The following AGBL1 variants were observed in gnomAD, a reference collection of about 807,000 sequenced individuals.
AGBL1 encodes the protein AGBL carboxypeptidase 1, also known as cytosolic carboxypeptidase 4.
AGBL1 carries 130 observed loss-of-function variants against 118.9 expected under a neutral mutation model. That is an observed-to-expected ratio of 1.09 (90% confidence interval 0.95 to 1.26). AGBL1 has a LOEUF of 1.26. Ranked by LOEUF, AGBL1 falls within the 50% of genes most tolerant of loss-of-function variation. The pLI is 0.00. For missense variants in AGBL1, 1,584 were observed against 1,298.1 expected, an observed-to-expected ratio of 1.22 and a Z score of -3.38; for synonymous variants, 555 against 478.9, an observed-to-expected ratio of 1.16 and a Z score of -2.08.
In AGBL1 at chr15:86,225,594, G is replaced by A. The variant is rs187627583; in HGVS notation, c.526+643G>A. Among the ~76,000 whole-genome samples, 133 of 152,242 alleles carry A rather than the reference G, an allele frequency of 8.7e-4. 1 individual carries two copies. The highest frequency in any genetic ancestry group is 3.5e-3 in the South Asian group (17 of 4,826). ...TGCCTGGTAGCCCTGGCCTAATTAC[G>A]TTGGGAGTCAATTTCATGTGTGCAA... On this transcript the variant is annotated intron_variant, in intron 6 of 22. Coordinates refer to ENST00000614907, the MANE Select transcript of AGBL1 (RefSeq NM_001386094.1).
chr15:86,729,377 G>A (rs1323494631), intron 22 of AGBL1, among the ~76,000 whole-genome samples: 1 of 152,152 alleles, frequency 6.6e-6, no homozygotes, highest in Non-Finnish European at 1.5e-5. Context: ...GAATGATCCT[G>A]TCACTCAGGT....
chr15:86,315,258 G>C (rs947554383), intron 17 of AGBL1, among the ~76,000 whole-genome samples: 1 of 152,042 alleles, frequency 6.6e-6, no homozygotes, highest in Non-Finnish European at 1.5e-5. Context: ...TCAGGTGTAG[G>C]TATTGGAGTC....
At chr15:86,848,456 G>A (rs1437493447) in intron 22 of AGBL1, among the ~76,000 whole-genome samples, 2 of 152,140 alleles carry the variant, frequency 1.3e-5, no homozygotes, top group Admixed American at 6.5e-5. Context: ...AATTAGACAT[G>A]AAATTCTCTG....
At chr15:86,564,719 A>G (rs953704272) in intron 21 of AGBL1, among the ~76,000 whole-genome samples, 1 of 152,238 alleles carries the variant, frequency 6.6e-6, no homozygotes, top group Non-Finnish European at 1.5e-5. Context: ...AATATCTTGC[A>G]GAGTGTTTTC....
chr15:86,238,280 C>G (rs902740146), intron 6 of AGBL1, among the ~76,000 whole-genome samples: 1 of 152,210 alleles, frequency 6.6e-6, no homozygotes, highest in Non-Finnish European at 1.5e-5. Context: ...ATTTCATTTT[C>G]TGCTGCATCT....
chr15:86,801,644 T>G (rs957459993), intron 22 of AGBL1, among the ~76,000 whole-genome samples: 1 of 152,146 alleles, frequency 6.6e-6, no homozygotes, highest in African/African-American at 2.4e-5. Context: ...CTAGATCTGT[T>G]TAACCTTCAA....
chr15:86,133,433 G>T (rs1283209725), intron 1 of AGBL1, among the ~76,000 whole-genome samples: 2 of 152,020 alleles, frequency 1.3e-5, no homozygotes, highest in East Asian at 3.9e-4. Flanking sequence ...CAATAAACCC[G>T]GCACCTATTC....
chr15:86,838,374 C>T (rs1252276062), intron 22 of AGBL1, among the ~76,000 whole-genome samples: 1 of 152,104 alleles, frequency 6.6e-6, no homozygotes, highest in Non-Finnish European at 1.5e-5. Context: ...CATAGCCCTC[C>T]TTTAGAATAA....
At chr15:86,851,517 C>T (rs1419381437) in intron 22 of AGBL1, among the ~76,000 whole-genome samples, 4 of 152,130 alleles carry the variant, frequency 2.6e-5, no homozygotes, top group Non-Finnish European at 4.4e-5. Flanking sequence ...ATTCAGTGGG[C>T]ACAACTTTCT....
At chr15:86,983,915 G>A (rs558437850) in intron 23 of AGBL1, among the ~76,000 whole-genome samples, 5 of 152,066 alleles carry the variant, frequency 3.3e-5, no homozygotes, top group East Asian at 1.9e-4. Context: ...TGTATGCAAC[G>A]GTTTGCATAC....
chr15:86,619,547 T>C (rs1344303030), intron 21 of AGBL1, among the ~76,000 whole-genome samples: 1 of 152,234 alleles, frequency 6.6e-6, no homozygotes, highest in East Asian at 1.9e-4. Flanking sequence ...TCACACTTAG[T>C]GTCTTTCCTG....
chr15:86,632,006 C>T (rs1038948171), intron 21 of AGBL1, among the ~76,000 whole-genome samples: 1 of 149,990 alleles, frequency 6.7e-6, no homozygotes, highest in East Asian at 2.0e-4. Context: ...TCTGCGCAAG[C>T]CTAGGGAGAC....
intron 17 of AGBL1, among the ~76,000 whole-genome samples, chr15:86,392,199 C>A (rs1161610908): frequency 1.3e-5 from 2 of 151,314 alleles, no homozygotes; most frequent in South Asian, 4.2e-4. Flanking sequence ...TGCACTCTGT[C>A]GTCTATTTTT....
intron 18 of AGBL1, among the ~76,000 whole-genome samples, chr15:86,398,782 GT>G (rs2081403767): frequency 6.6e-6 from 1 of 152,046 alleles, no homozygotes; most frequent in Non-Finnish European, 1.5e-5. Flanking sequence ...AAGGTTAAAA[GT>G]ATGAAGATGA....
intron 17 of AGBL1, among the ~76,000 whole-genome samples, chr15:86,325,789 C>T (rs1231890299): frequency 3.9e-5 from 6 of 152,140 alleles, no homozygotes; most frequent in South Asian, 2.1e-4. Context: ...ATTTTTCCAA[C>T]GGGTCACATA....
intron 22 of AGBL1, among the ~76,000 whole-genome samples, chr15:86,689,721 A>G (rs2086129593): frequency 6.6e-6 from 1 of 152,122 alleles, no homozygotes; most frequent in East Asian, 1.9e-4. Flanking sequence ...TAACTATAGA[A>G]ACGATTGTCC....
chr15:86,985,582 G>A (rs2081273061), intron 23 of AGBL1, among the ~76,000 whole-genome samples: 1 of 151,244 alleles, frequency 6.6e-6, no homozygotes. Flanking sequence ...ATATTGGGTT[G>A]TTTGCGTTCT....
At chr15:86,812,176 T>C (rs1459713874) in intron 22 of AGBL1, among the ~76,000 whole-genome samples, 1 of 152,218 alleles carries the variant, frequency 6.6e-6, no homozygotes. Context: ...CATATTTTCC[T>C]GTATACACTT....
chr15:86,099,603 G>T (rs932466599), intron 1 of AGBL1, among the ~76,000 whole-genome samples: 1 of 150,240 alleles, frequency 6.7e-6, no homozygotes, highest in Non-Finnish European at 1.5e-5. Flanking sequence ...GCAGTGGTGC[G>T]ATCTTGGCTC....
Sources: gnomAD v4.1 joint callset for allele counts (sites outside exome capture counted in the v4.1 genomes callset) on GRCh38, gnomAD v4.1.1 for gene constraint, MANE v1.5 for transcripts, NCBI Gene and HGNC (gene_info 2026-07-23, HGNC 2026-07-21) for gene names.